DENND1A: variants seen among roughly 807,000 people sequenced by gnomAD.
DENND1A encodes DENN domain containing 1A, also known as DENN domain-containing protein 1A.
DENND1A carries 51 observed loss-of-function variants against 113.7 expected under a neutral mutation model. That is an observed-to-expected ratio of 0.45 (90% confidence interval 0.36 to 0.57). The LOEUF (loss-of-function observed/expected upper bound fraction) is 0.57. Ranked by LOEUF, DENND1A falls within the 20% of genes least tolerant of loss-of-function variation. The pLI, the probability that DENND1A is intolerant of heterozygous loss-of-function variation, is 0.00. For synonymous variants in DENND1A, 565 were observed against 570.8 expected, an observed-to-expected ratio of 0.99 and a Z score of 0.14; for missense variants, 1,258 against 1,395.9, an observed-to-expected ratio of 0.90 and a Z score of 1.57.
chr9:123,683,884 C>A (rs973932697), intron 5 of DENND1A, among the ~76,000 whole-genome samples: 34 of 152,186 alleles, frequency 2.2e-4, no homozygotes, highest in African/African-American at 8.0e-4. Flanking sequence ...ACTAGAGCTA[C>A]AGAGTAACAG....
chr9:123,485,277 C>G (rs1344868287), intron 13 of DENND1A, among the ~76,000 whole-genome samples: 2 of 152,210 alleles, frequency 1.3e-5, no homozygotes, highest in African/African-American at 4.8e-5. Flanking sequence ...CGCACTATCA[C>G]TAGGTGTGAG....
intron 11 of DENND1A, among the ~76,000 whole-genome samples, chr9:123,589,402 T>C (rs2059349857): frequency 6.6e-6 from 1 of 151,998 alleles, no homozygotes; most frequent in Non-Finnish European, 1.5e-5. Flanking sequence ...AGTCATTTTA[T>C]CCACAGCTTG....
At chr9:123,726,833 T>C (rs1430493227) in intron 5 of DENND1A, among the ~76,000 whole-genome samples, 1 of 152,230 alleles carries the variant, frequency 6.6e-6, no homozygotes, top group Non-Finnish European at 1.5e-5. Context: ...TGGAGACAGT[T>C]CCTGGAGCTT....
intron 1 of DENND1A, among the ~76,000 whole-genome samples, chr9:123,897,131 G>A (rs1002262629): frequency 7.2e-5 from 11 of 152,168 alleles, no homozygotes; most frequent in African/African-American, 2.4e-4. Flanking sequence ...TCTCCACAAC[G>A]AGAAAATACC....
chr9:123,692,529 CAATG>C (rs1448081736), intron 5 of DENND1A, among the ~76,000 whole-genome samples: 1 of 152,188 alleles, frequency 6.6e-6, no homozygotes, highest in Non-Finnish European at 1.5e-5. Flanking sequence ...AATCATTCCT[CAATG>C]AATGACTCTT....
chr9:123,903,053 C>A (rs1055455610), intron 1 of DENND1A, among the ~76,000 whole-genome samples: 2 of 151,986 alleles, frequency 1.3e-5, no homozygotes, highest in African/African-American at 2.4e-5. Context: ...TGGAAAAAGG[C>A]CGGGCGCGGT....
At chr9:123,609,381 A>T in intron 11 of DENND1A, 55 bp downstream of exon 11, 2 of 1,590,720 alleles carry the variant, frequency 1.3e-6, no homozygotes, top group South Asian at 1.1e-5. Flanking sequence ...CCACCGCCAC[A>T]CAATGAAACA....
intron 7 of DENND1A, among the ~76,000 whole-genome samples, chr9:123,670,342 A>C (rs963949812): frequency 1.3e-5 from 2 of 152,228 alleles, no homozygotes; most frequent in East Asian, 3.8e-4. Flanking sequence ...ACTTGGTCAA[A>C]GTATGTCCAT....
At chr9:123,470,355 A>G (rs2049299155) in intron 13 of DENND1A, among the ~76,000 whole-genome samples, 2 of 6,330 alleles carry the variant, frequency 3.2e-4, no homozygotes, top group South Asian at 0.012. Flanking sequence ...TGGCTCAACC[A>G]CGTGGCCAGC....
At chr9:123,806,712 T>C (rs1420791202) in intron 2 of DENND1A, among the ~76,000 whole-genome samples, 1 of 152,200 alleles carries the variant, frequency 6.6e-6, no homozygotes, top group East Asian at 1.9e-4. Context: ...TCCTAAATTA[T>C]ACACTTTATA....
At chr9:123,406,153 A>G (rs1423894809) in intron 20 of DENND1A, among the ~76,000 whole-genome samples, 2 of 152,244 alleles carry the variant, frequency 1.3e-5, no homozygotes, top group African/African-American at 2.4e-5. Flanking sequence ...CATAAAAGAC[A>G]AGTCTTTACA....
intron 19 of DENND1A, 81 bp downstream of exon 19, chr9:123,440,279 G>A (rs1255239195): frequency 3.1e-5 from 45 of 1,449,858 alleles, no homozygotes; most frequent in Non-Finnish European, 3.1e-5. Context: ...ATGAAAAACC[G>A]TCTGCTGCAT....
intron 9 of DENND1A, among the ~76,000 whole-genome samples, chr9:123,632,984 TACA>T (rs374100770): frequency 1.1e-3 from 175 of 152,268 alleles, no homozygotes; most frequent in African/African-American, 4.0e-3. Context: ...CTCGGCTCAC[TACA>T]ACGTCTGCCT....
chr9:123,457,949 C>G, intron 13 of DENND1A, 52 bp from the exon 14 acceptor site: 1 of 1,371,230 alleles, frequency 7.3e-7, no homozygotes, highest in Non-Finnish European at 1.0e-6. Context: ...CAAGAGCCAT[C>G]AGTTTTGAAA....
At chr9:123,675,103 TCA>T (rs2063992673) in intron 6 of DENND1A, among the ~76,000 whole-genome samples, 1 of 152,198 alleles carries the variant, frequency 6.6e-6, no homozygotes, top group Admixed American at 6.5e-5. Context: ...AAGCTTCTTT[TCA>T]CAGTGAGTGT....
At chr9:123,710,154 T>C (rs2066484960) in intron 5 of DENND1A, among the ~76,000 whole-genome samples, 1 of 152,246 alleles carries the variant, frequency 6.6e-6, no homozygotes, top group African/African-American at 2.4e-5. Context: ...TCCAAATCTT[T>C]ACCTAGCTCT....
intron 5 of DENND1A, 66 bp downstream of exon 5, chr9:123,757,637 G>T: frequency 6.3e-7 from 1 of 1,579,592 alleles, no homozygotes. Context: ...TTTAATTACG[G>T]AAGAGCAATG....
chr9:123,677,072 G>A (rs2140114716), intron 5 of DENND1A, among the ~76,000 whole-genome samples: 1 of 152,272 alleles, frequency 6.6e-6, no homozygotes, highest in Admixed American at 6.5e-5. Context: ...CCACAATCAG[G>A]CACCATCTCT....
intron 11 of DENND1A, among the ~76,000 whole-genome samples, chr9:123,593,545 T>C (rs1183751353): frequency 6.6e-6 from 1 of 152,164 alleles, no homozygotes; most frequent in Non-Finnish European, 1.5e-5. Flanking sequence ...GCTTTGCATT[T>C]GTTCAAACTA....
Sources: allele counts gnomAD v4.1 joint callset (sites outside exome capture counted in the v4.1 genomes callset), GRCh38; gene constraint gnomAD v4.1.1; transcripts MANE v1.5; gene names NCBI Gene and HGNC (gene_info 2026-07-23, HGNC 2026-07-21).